The following ADGRF5 variants were observed in gnomAD, a reference collection of about 807,000 sequenced individuals.
ADGRF5 encodes the protein G-protein coupled receptor 116.
ADGRF5 carries 75 observed loss-of-function variants against 132.3 expected under a neutral mutation model. That is an observed-to-expected ratio of 0.57 (90% CI 0.47 to 0.69). ADGRF5 has a LOEUF of 0.69. Among genes scored for constraint, ADGRF5 ranks in the 30% least tolerant of loss-of-function variants. The pLI is 0.00. For synonymous variants in ADGRF5, 629 were observed against 597.6 expected (o/e 1.05, Z -0.77); for missense variants, 1,516 against 1,630.6 (o/e 0.93, Z 1.21).
chr6:46,934,741 C>T (rs1008491911), intron 1 of ADGRF5, among the ~76,000 whole-genome samples: 4 of 152,126 alleles, frequency 2.6e-5, no homozygotes, highest in African/African-American at 9.7e-5. Context: ...TAGAAACTTA[C>T]TCTTGGAACA....
Position 46,912,461 on chromosome 6 carries a change from G to C in ADGRF5, c.-24-5675C>G, listed in dbSNP as rs982328984. Among the ~76,000 whole-genome samples the C allele has an allele frequency of 1.5e-4, 23 of 152,232 alleles. 1 individual carries two copies. The highest frequency in any genetic ancestry group is 1.0e-3 in the Admixed American group (16 of 15,286). On this transcript the variant is annotated intron_variant, in intron 1 of 20. Transcript: ENST00000283296. Reference sequence around the variant, plus strand: ...AGCTGCAAGCAGGCCAGAGTGGCTGGAACATGAAAAGAGAGCAGGTGAAGG... The same window carrying C: ...AGCTGCAAGCAGGCCAGAGTGGCTGCAACATGAAAAGAGAGCAGGTGAAGG...
intron 15 of ADGRF5, among the ~76,000 whole-genome samples, chr6:46,861,130 T>C (rs920906530): frequency 6.6e-6 from 1 of 152,182 alleles, no homozygotes; most frequent in African/African-American, 2.4e-5. Context: ...GTCAACCTGA[T>C]AGCTAATTGG....
intron 2 of ADGRF5, among the ~76,000 whole-genome samples, chr6:46,903,068 T>C (rs1774933219): frequency 6.6e-6 from 1 of 152,150 alleles, no homozygotes; most frequent in Non-Finnish European, 1.5e-5. Context: ...CTGGTAGTGG[T>C]GAGTGTCGTG....
At chr6:46,895,689 G>C (rs1774106257) in intron 3 of ADGRF5, among the ~76,000 whole-genome samples, 2 of 150,584 alleles carry the variant, frequency 1.3e-5, no homozygotes, top group South Asian at 4.4e-4. Context: ...TTTAAAGCCG[G>C]AGAATAATCA....
chr6:46,860,018 A>G (rs1394201039), intron 16 of ADGRF5, among the ~76,000 whole-genome samples: 1 of 151,764 alleles, frequency 6.6e-6, no homozygotes, highest in African/African-American at 2.4e-5. Flanking sequence ...GGAAGTGGAG[A>G]TACATCTTTC....
chr6:46,930,640 G>T (rs1170651384), intron 1 of ADGRF5, among the ~76,000 whole-genome samples: 2 of 152,136 alleles, frequency 1.3e-5, no homozygotes, highest in Non-Finnish European at 2.9e-5. Flanking sequence ...ACATAAACTG[G>T]CAATCCTATT....
At chr6:46,924,947 G>A (rs976851453), upstream of ADGRF5, among the ~76,000 whole-genome samples, 1 of 152,132 alleles carries the variant, frequency 6.6e-6, no homozygotes, top group Non-Finnish European at 1.5e-5. Flanking sequence ...CTCTTGACTG[G>A]ATAATCACCA....
chr6:46,940,206 G>A (rs1243384704), intron 1 of ADGRF5, among the ~76,000 whole-genome samples: 1 of 152,148 alleles, frequency 6.6e-6, no homozygotes, highest in Non-Finnish European at 1.5e-5. Flanking sequence ...TGGGGTGAAG[G>A]GGTGCAACTC....
chr6:46,866,311 A>G (rs111527841), intron 13 of ADGRF5, among the ~76,000 whole-genome samples: 115 of 41,252 alleles, frequency 2.8e-3, no homozygotes, highest in African/African-American at 4.1e-3. Context: ...TTCCTAGCTT[A>G]GTCTCTTACT....
chr6:46,881,661 G>A, intron 7 of ADGRF5, 64 bp from the exon 8 acceptor site: 1 of 1,425,388 alleles, frequency 7.0e-7, no homozygotes, highest in Non-Finnish European at 9.7e-7. Flanking sequence ...GATATTTATG[G>A]CTTATTTGCT....
rs184016618 is a variant in ADGRF5 at position 46,894,702 on chromosome 6, C to T, written c.157+5327G>A. On this transcript the variant is annotated intron_variant, in intron 3 of 20. Coordinates refer to ENST00000283296, the MANE Select transcript of ADGRF5 (RefSeq NM_001098518.2). ...AGGTCATTTAACTCTGTGAGCCATA[C>T]TTTGCTTATCTGTAAATGAAAGGTA... 3.0e-3 allele frequency among the ~76,000 whole-genome samples: 450 copies of T among 152,236 alleles called. 1 individual carries two copies. The highest frequency in any genetic ancestry group is 5.7e-3 in the Non-Finnish European group (391 of 68,024).
upstream of ADGRF5, among the ~76,000 whole-genome samples, chr6:46,925,507 A>G (rs1264348158): frequency 6.6e-6 from 1 of 152,336 alleles, no homozygotes; most frequent in South Asian, 2.1e-4. Flanking sequence ...CTGTAATCCC[A>G]GCACTTTGGG....
chr6:46,890,614 G>A (rs1305672516), intron 3 of ADGRF5, among the ~76,000 whole-genome samples: 1 of 151,958 alleles, frequency 6.6e-6, no homozygotes, highest in Non-Finnish European at 1.5e-5. Context: ...CTACTCAGGA[G>A]GCTGAGGCAG....
chr6:46,874,642 G>A (rs1430619645), intron 10 of ADGRF5, among the ~76,000 whole-genome samples: 24 of 152,170 alleles, frequency 1.6e-4, no homozygotes, highest in Admixed American at 1.6e-3. Context: ...TTGTATGTGG[G>A]TTGTGTGTGA....
chr6:46,934,168 C>G (rs746471380), intron 1 of ADGRF5, among the ~76,000 whole-genome samples: 1 of 152,030 alleles, frequency 6.6e-6, no homozygotes, highest in Non-Finnish European at 1.5e-5. Flanking sequence ...CTGAGTCACC[C>G]GAATCCACTA....
intron 2 of ADGRF5, among the ~76,000 whole-genome samples, chr6:46,904,736 T>A (rs1775139310): frequency 1.3e-5 from 2 of 152,184 alleles, no homozygotes; most frequent in Non-Finnish European, 2.9e-5. Context: ...ACCAAGCCCA[T>A]CACCAGATGT....
intron 1 of ADGRF5, among the ~76,000 whole-genome samples, chr6:46,939,090 C>T (rs1378597574): frequency 2.6e-5 from 4 of 152,116 alleles, no homozygotes; most frequent in South Asian, 2.1e-4. Flanking sequence ...AGGATGGTCT[C>T]GATCTCTTGA....
At chr6:46,898,339 T>A (rs1214126196) in intron 3 of ADGRF5, among the ~76,000 whole-genome samples, 4 of 152,202 alleles carry the variant, frequency 2.6e-5, no homozygotes, top group Non-Finnish European at 5.9e-5. Context: ...AAAGCCAAAG[T>A]CTTTCAAAAT....
rs144685387 is a variant in ADGRF5, at chr6:46,897,921, G to C, written c.157+2108C>G. The stretch of plus-strand genomic sequence containing the variant: ...TTTTCTATGGCCATTTCTTACTTCA[G>C]CGATTTTGTAAAAGTACCAAGGCCA... On this transcript the variant is annotated intron_variant, in intron 3 of 20. Transcript: ENST00000283296. Among the ~76,000 whole-genome samples the C allele has an allele frequency of 3.8e-3, 574 of 152,250 alleles. 7 individuals carry two copies. Among genetic ancestry groups the C allele is most frequent in the South Asian group, 0.031 (150 of 4,824 alleles).
Sources: gnomAD v4.1 joint callset for allele counts (sites outside exome capture counted in the v4.1 genomes callset) on GRCh38, gnomAD v4.1.1 for gene constraint, MANE v1.5 for transcripts, NCBI Gene and HGNC (gene_info 2026-07-23, HGNC 2026-07-21) for gene names.